The following MEFV variants were observed in gnomAD, a reference collection of about 807,000 sequenced individuals.
MEFV encodes pyrin.
In MEFV, 60 loss-of-function variants were observed where a neutral mutation model predicts 62.5. The observed-to-expected ratio is 0.96, with a 90% CI of 0.78 to 1.19. The LOEUF is 1.19. Ranked by LOEUF, MEFV falls within the 50% of genes most tolerant of loss-of-function variation. MEFV has a pLI of 0.00. For synonymous variants in MEFV, 500 were observed against 415.2 expected (o/e 1.20, Z -2.48); for missense variants, 1,169 against 1,004.5 (o/e 1.16, Z -2.21).
At chr16:3,249,358 T>C (rs1958995386) in intron 3 of MEFV, 73 bp downstream of exon 3, 4 of 1,377,374 alleles carry the variant, frequency 2.9e-6, no homozygotes, top group East Asian at 2.3e-5. Context: ...CCCAGAGTTG[T>C]TGGGAAAATG....
In MEFV at chr16:3,244,243, G is replaced by A. The variant is rs370349451; in HGVS notation, c.1759+11C>T. On this transcript the variant is annotated intron_variant, in intron 8 of 9. Coordinates refer to ENST00000219596, the MANE Select transcript of MEFV (RefSeq NM_000243.3). ...CCCCAGGCCAGCACACACCATTACC[G>A]CTGGACTCACCATTGAACATTTCCA... The A allele has an allele frequency of 7.2e-5, 116 of 1,613,670 alleles. No individual in the cohort carries two copies. The highest frequency in any genetic ancestry group is 2.7e-4 in the Admixed American group (16 of 59,946).
Position 3,247,463 on chromosome 16 carries a change from C to T in MEFV, c.1357-217G>A, listed in dbSNP as rs1018627298. 3 of 587,454 alleles carry T rather than the reference C, an allele frequency of 5.1e-6. No individual in the cohort carries two copies. In the African/African-American group the frequency reaches 5.6e-5, roughly 11 times the overall value. The allele number at this position is 587,454 out of a possible 1,614,324, so 36.4% of individuals were successfully genotyped here. On this transcript the variant is annotated intron_variant, in intron 4 of 9. Coordinates refer to ENST00000219596, the MANE Select transcript of MEFV (RefSeq NM_000243.3). ...TAGCTCTGGGAAAATGTCCTTAAAC[C>T]TGGTGTTAAGGTTTAACTGTGTCCC...
At chr16:3,255,480 G>A (rs976599468) in intron 1 of MEFV, among the ~76,000 whole-genome samples, 1 of 151,868 alleles carries the variant, frequency 6.6e-6, no homozygotes, top group African/African-American at 2.4e-5. Flanking sequence ...TGCAACCTCT[G>A]CCTCCCAGGC....
chr16:3,256,334 T>A lies in MEFV; in HGVS notation c.254A>T (p.Glu85Val). ...ACCCTGAATGGCTGCCCTGTGGAGC[T>A]CCTCGGCCAGCAGGCGCTGGTTGAT... ...RAINQRLLAE[E>V]LHRAAIQEYS... is the part of the protein sequence containing the mutation. The change falls in exon 1 of 10, where the codon GAG becomes GTG. Residue 85 changes from glutamate to valine, a missense_variant. Coordinates refer to ENST00000219596, the MANE Select transcript of MEFV (RefSeq NM_000243.3). 1 of 1,613,884 alleles carries A rather than the reference T, an allele frequency of 6.2e-7. No individual in the cohort carries two copies. The highest frequency in any genetic ancestry group is 8.5e-7 in the Non-Finnish European group (1 of 1,179,988).
rs774061491 is a variant in MEFV at position 3,254,411 on chromosome 16, G to GC, written c.656dup (p.Ala220ArgfsTer22). ...GCCTGCACTCCTTCTGCCCCGGGGC[G>GC]CCCCCCGCCAGCCCCTGCAGCCTCC... On this transcript the variant is annotated frameshift_variant, in exon 2 of 10. Coordinates refer to ENST00000219596, the MANE Select transcript of MEFV (RefSeq NM_000243.3). LOFTEE classifies it high-confidence loss of function. The GC allele has an allele frequency of 6.8e-6, 11 of 1,608,578 alleles. No individual in the cohort carries two copies. Among genetic ancestry groups the GC allele is most frequent in the Non-Finnish European group, 9.3e-6 (11 of 1,178,794 alleles).
In MEFV at chr16:3,243,587, G is replaced by T; in HGVS notation, c.1900C>A (p.Gln634Lys). 1.9e-6 allele frequency: 3 copies of T among 1,604,212 alleles called. No individual in the cohort carries two copies. The highest frequency in any genetic ancestry group is 2.6e-6 in the Non-Finnish European group (3 of 1,174,168). The change falls in exon 10 of 10, where the codon CAA (glutamine) becomes AAA (lysine). Residue 634 changes from glutamine (Q) to lysine (K), a missense_variant. By Grantham distance (53) the Gln-to-Lys change is moderately conservative (BLOSUM62 1). Coordinates refer to ENST00000219596, the MANE Select transcript of MEFV (RefSeq NM_000243.3). ...ACAATGATACAGCTGTCAAATCTTT[G>T]CGGGCCATCAGGCAGCCTCTCCCAC... is the stretch of plus-strand genomic sequence containing the variant. ...NKWERLPDGP[Q>K]RFDSCIIVLG...
Position 3,243,408 on chromosome 16 carries a change from CATT to C in MEFV, c.2076_2078del (p.Ile692del), listed in dbSNP as rs104895093. ...ACGCCTGGTACTCATTTTCCTTCAT[CATT>C]ATCACCACCCAGTAGCCATTCTCTG... On this transcript the variant is annotated inframe_deletion, in exon 10 of 10. Coordinates refer to ENST00000219596, the MANE Select transcript of MEFV (RefSeq NM_000243.3). The C allele has an allele frequency of 1.2e-6, 2 of 1,614,158 alleles. No individual in the cohort carries two copies. Among genetic ancestry groups the C allele is most frequent in the Middle Eastern group, 3.3e-4 (2 of 6,062 alleles).
At position 3,247,101 on chromosome 16, in the gene MEFV, C is replaced by T. The variant is rs104895196; in HGVS notation, c.1502G>A (p.Arg501His). Residue 501 changes from arginine to histidine, a missense_variant, in exon 5 of 10, where the codon CGC becomes CAC. Physicochemically the swap from Arg to His is conservative, Grantham distance 29. Transcript: ENST00000219596. ...GAGCAGGGCGATGTCCTGGGATACG[C>T]GGGTGTCATATGCCTTCCTGATCTG... Reference protein sequence around the residue: ...VGQIRKAYDTRVSQDIALLDA... With the variant: ...VGQIRKAYDTHVSQDIALLDA... 1.2e-4 allele frequency: 187 copies of T among 1,614,046 alleles called. No individual in the cohort carries two copies. Among genetic ancestry groups the T allele is most frequent in the Non-Finnish European group, 3.8e-5 (45 of 1,180,032 alleles).
Position 3,256,296 on chromosome 16 carries a change from C to G in MEFV, c.277+15G>C. On this transcript the variant is annotated intron_variant, in intron 1 of 9. Coordinates refer to ENST00000219596, the MANE Select transcript of MEFV (RefSeq NM_000243.3). ...CACTCAGCACTGGATGAGGAGGAGGCCTGGGCCCGCTTACCCTGAATGGCT... is the reference window on the plus strand; with the variant it reads ...CACTCAGCACTGGATGAGGAGGAGGGCTGGGCCCGCTTACCCTGAATGGCT... The G allele has an allele frequency of 6.2e-7, 1 of 1,612,550 alleles. No homozygotes were observed. Among genetic ancestry groups the G allele is most frequent in the Non-Finnish European group, 8.5e-7 (1 of 1,179,646 alleles).
intron 1 of MEFV, among the ~76,000 whole-genome samples, chr16:3,255,614 C>T (rs1045924261): frequency 2.0e-5 from 3 of 151,706 alleles, no homozygotes; most frequent in African/African-American, 7.3e-5. Flanking sequence ...ACCATGTTGC[C>T]CAAGCTGGTC....
chr16:3,254,574 G>C lies in MEFV; in HGVS notation c.494C>G (p.Ala165Gly). ...RKPLSKRREK[A>G]SEGLDAQGKP... ...GCCCTGCGCGTCCAGGCCCTCCGAGGCCTTCTCTCTGCGTTTGCTCAGGGG... is the reference window on the plus strand; with the variant it reads ...GCCCTGCGCGTCCAGGCCCTCCGAGCCCTTCTCTCTGCGTTTGCTCAGGGG... The change falls in exon 2 of 10, where the codon GCC becomes GGC. Residue 165 changes from alanine to glycine, a missense_variant. Transcript: ENST00000219596. 1 of 1,581,564 alleles carries C rather than the reference G, an allele frequency of 6.3e-7. No individual in the cohort carries two copies. The highest frequency in any genetic ancestry group is 8.6e-7 in the Non-Finnish European group (1 of 1,167,822).
At position 3,246,996 on chromosome 16, in the gene MEFV, C is replaced by A; in HGVS notation, c.1587+20G>T. ...GATAGGCACAGGGGACCCAAGAAAG[C>A]CGGGCCCAGGCACACCCACCTGCAG... On this transcript the variant is annotated intron_variant, in intron 5 of 9. Coordinates refer to ENST00000219596, the MANE Select transcript of MEFV (RefSeq NM_000243.3). The A allele has an allele frequency of 6.2e-7, 1 of 1,611,522 alleles. No homozygotes were observed. The highest frequency in any genetic ancestry group is 8.5e-7 in the Non-Finnish European group (1 of 1,177,662).
In MEFV at chr16:3,246,987, C is replaced by A. The variant is rs104895206; in HGVS notation, c.1587+29G>T. ...AGGCATCCTGATAGGCACAGGGGACCCAAGAAAGCCGGGCCCAGGCACACC... is the reference window on the plus strand; with the variant it reads ...AGGCATCCTGATAGGCACAGGGGACACAAGAAAGCCGGGCCCAGGCACACC... On this transcript the variant is annotated intron_variant, in intron 5 of 9. Transcript: ENST00000219596. The A allele has an allele frequency of 6.8e-6, 11 of 1,607,506 alleles. No homozygotes were observed. Among genetic ancestry groups the A allele is most frequent in the Non-Finnish European group, 9.4e-6 (11 of 1,174,098 alleles).
Position 3,243,046 on chromosome 16 carries a change from C to T in MEFV, c.*95G>A, listed in dbSNP as rs1040408678. ...ACTATTTTGTTATTTTTGCATTTCC[C>T]ATAGCAGCTAGCACCTAGTCGGCAT... is the stretch of plus-strand genomic sequence containing the variant. On this transcript the variant is annotated 3_prime_UTR_variant, in exon 10 of 10. Coordinates refer to ENST00000219596, the MANE Select transcript of MEFV (RefSeq NM_000243.3). The T allele has an allele frequency of 5.0e-6, 7 of 1,405,404 alleles. No homozygotes were observed. In the Admixed American group the frequency reaches 5.2e-5, roughly 10 times the overall value. 87.1% of individuals were successfully genotyped at this position (1,405,404 alleles called of 1,614,324 possible). A position where few individuals can be genotyped will look rare whatever the true frequency, so the allele number is the denominator to read the frequency against.
In MEFV at chr16:3,254,520, G is replaced by A. The variant is rs777009752; in HGVS notation, c.548C>T (p.Pro183Leu). 4.0e-5 allele frequency: 62 copies of A among 1,555,032 alleles called. No homozygotes were observed. The highest frequency in any genetic ancestry group is 5.2e-5 in the Non-Finnish European group (60 of 1,154,272). The change falls in exon 2 of 10, where the codon CCG becomes CTG. Residue 183 changes from proline (P) to leucine (L), a missense_variant. Transcript: ENST00000219596. The stretch of plus-strand genomic sequence containing the variant: ...GCAGGGGCCGGGGCTTCTCCCGCCC[G>A]GCAGGGCCGGGCTCCGGGTCCGAGG... ...GKPRTRSPAL[P>L]GGRSPGPCRA...
chr16:3,246,569 C>T (rs1394713875), intron 5 of MEFV, 22 bp from the exon 6 acceptor site: 3 of 1,614,088 alleles, frequency 1.9e-6, no homozygotes, highest in Admixed American at 1.7e-5. Context: ...AAGAAGGAAA[C>T]TGTCGGTTAC....
At chr16:3,252,060 A>G (rs1567235995) in intron 2 of MEFV, 2 of 338,210 alleles carry the variant, frequency 5.9e-6, no homozygotes, top group East Asian at 8.4e-5. Context: ...CTAAAAAAAA[A>G]AAAAAATTAA....
intron 6 of MEFV, among the ~76,000 whole-genome samples, chr16:3,245,109 A>T (rs1006593618): frequency 6.6e-6 from 1 of 152,100 alleles, no homozygotes; most frequent in Admixed American, 6.6e-5. Context: ...CAACATGGCG[A>T]AACCCTGTCT....
Position 3,256,389 on chromosome 16 carries a change from C to T in MEFV, c.199G>A (p.Val67Met), listed in dbSNP as rs1422054832. Residue 67 changes from valine (V) to methionine (M), a missense_variant, in exon 1 of 10, where the codon GTG becomes ATG. By Grantham distance (21) the Val-to-Met change is conservative. Coordinates refer to ENST00000219596, the MANE Select transcript of MEFV (RefSeq NM_000243.3). ...CGCAGGACCTGCAGGGTGAGCTGCA[C>T]GGCGTACTCTTCCCCATAGTAGGTG... ...LVTYYGEEYA[V>M]QLTLQVLRAI... 13 of 1,614,028 alleles carry T rather than the reference C, an allele frequency of 8.1e-6. No homozygotes were observed. Among genetic ancestry groups the T allele is most frequent in the East Asian group, 6.7e-5 (3 of 44,890 alleles).
Sources: gnomAD v4.1 joint callset for allele counts (sites outside exome capture counted in the v4.1 genomes callset) on GRCh38, gnomAD v4.1.1 for gene constraint, MANE v1.5 for transcripts, NCBI Gene and HGNC (gene_info 2026-07-23, HGNC 2026-07-21) for gene names.